FCGR2A: variants seen among roughly 807,000 people sequenced by gnomAD.
FCGR2A encodes the protein low affinity immunoglobulin gamma Fc region receptor II-a.
Under a neutral mutation model 29.3 loss-of-function variants are expected in FCGR2A, and 18 were observed. The observed-to-expected ratio is 0.62, with a 90% confidence interval of 0.43 to 0.91. The LOEUF (loss-of-function observed/expected upper bound fraction) is 0.91. Ranked by LOEUF, FCGR2A falls within the 40% of genes least tolerant of loss-of-function variation. The pLI is 0.00. For synonymous variants in FCGR2A, 126 were observed against 144.8 expected, an observed-to-expected ratio of 0.87 and a Z score of 0.93; for missense variants, 287 against 393.0, an observed-to-expected ratio of 0.73 and a Z score of 2.28.
At chr1:161,506,099 TC>T in intron 2 of FCGR2A, 92 bp downstream of exon 2, 1 of 1,394,512 alleles carries the variant, frequency 7.2e-7, no homozygotes, top group Non-Finnish European at 1.0e-6. Context: ...GTATGTCTAT[TC>T]CACTGAAAAT....
At chr1:161,508,162 A>G (rs985127053) in intron 3 of FCGR2A, among the ~76,000 whole-genome samples, 5 of 151,228 alleles carry the variant, frequency 3.3e-5, no homozygotes, top group African/African-American at 9.7e-5. Flanking sequence ...CCACCTATCC[A>G]TTGTACAAAG....
chr1:161,507,276 G>A (rs7539468), intron 3 of FCGR2A, among the ~76,000 whole-genome samples: 15,049 of 151,942 alleles, frequency 0.099, 920 homozygotes, highest in Middle Eastern at 0.15. Context: ...ACACCACCAT[G>A]CCAAGTGACT....
At chr1:161,522,260 G>C (rs1329131406), downstream of FCGR2A, among the ~76,000 whole-genome samples, 2 of 152,026 alleles carry the variant, frequency 1.3e-5, no homozygotes, top group African/African-American at 4.8e-5. Flanking sequence ...GGCTCTTTTA[G>C]AAAAAACAAA....
intron 3 of FCGR2A, among the ~76,000 whole-genome samples, chr1:161,507,528 GGTAAACATTCAGT>G (rs1235611941): frequency 1.3e-5 from 2 of 152,240 alleles, no homozygotes; most frequent in Non-Finnish European, 2.9e-5. Flanking sequence ...GATGGTCACA[GGTAAACATTCAGT>G]GTTTTAGATT....
At chr1:161,506,199 G>A in intron 2 of FCGR2A, 135 bp from the exon 3 acceptor site, 1 of 1,337,688 alleles carries the variant, frequency 7.5e-7, no homozygotes, top group East Asian at 2.3e-5. Context: ...AGGGAATGAG[G>A]CCGCTGCAAG....
chr1:161,506,010 G>T lies in FCGR2A; in HGVS notation c.106+3G>T. The T allele has an allele frequency of 1.2e-6, 2 of 1,613,806 alleles. No individual in the cohort carries two copies. Among genetic ancestry groups the T allele is most frequent in the South Asian group, 1.1e-5 (1 of 91,072 alleles). ...AGCTTCTGCAGACAGTCAAGCTGGT[G>T]AGTATGCCCTTTGCTTCCTTGTATT... On this transcript the variant is annotated splice_donor_region_variant and intron_variant, in intron 2 of 6. Transcript: ENST00000271450.
intron 5 of FCGR2A, among the ~76,000 whole-genome samples, chr1:161,511,397 T>C (rs1675765575): frequency 6.6e-6 from 1 of 152,166 alleles, no homozygotes; most frequent in African/African-American, 2.4e-5. Flanking sequence ...CAAAGCACTT[T>C]GCAATTGGTT....
Position 161,511,036 on chromosome 1 carries a change from G to C in FCGR2A, c.742+80G>C, listed in dbSNP as rs189803375. On this transcript the variant is annotated intron_variant, in intron 5 of 6. Coordinates refer to ENST00000271450, the MANE Select transcript of FCGR2A (RefSeq NM_001136219.3). ...TAACCCCAGACATTGCCAGAATCCC[G>C]CTCTTAGGGCTAGATATGCATTCCG... 1.7e-5 allele frequency: 28 copies of C among 1,600,056 alleles called. No homozygotes were observed. In the African/African-American group the frequency reaches 2.9e-4, roughly 17 times the overall value.
rs142132951 is a variant in FCGR2A, at chr1:161,510,449, C to T, written c.619+375C>T. On this transcript the variant is annotated intron_variant, in intron 4 of 6. Coordinates refer to ENST00000271450, the MANE Select transcript of FCGR2A (RefSeq NM_001136219.3). Reference sequence around the variant, plus strand: ...GTTATAGCCATTCACTCCAGAAAGCCTGGCACGTCATGGACTGTTCAAGGC... The same window carrying T: ...GTTATAGCCATTCACTCCAGAAAGCTTGGCACGTCATGGACTGTTCAAGGC... 9.0e-5 allele frequency: 43 copies of T among 476,564 alleles called. 2 individuals are homozygous for T. The highest frequency in any genetic ancestry group is 5.9e-4 in the African/African-American group (30 of 51,242). The allele number at this position is 476,564 out of a possible 1,614,324, so 29.5% of individuals were successfully genotyped here.
chr1:161,516,150 G>A (rs1676133433), intron 6 of FCGR2A, among the ~76,000 whole-genome samples: 1 of 152,030 alleles, frequency 6.6e-6, no homozygotes. Context: ...TGAGATGACA[G>A]GTAGTTGGTT....
intron 3 of FCGR2A, among the ~76,000 whole-genome samples, chr1:161,508,852 C>A (rs1375016853): frequency 6.6e-6 from 1 of 152,138 alleles, no homozygotes; most frequent in African/African-American, 2.4e-5. Flanking sequence ...TAAAATTTTT[C>A]TTGAATGCCC....
At chr1:161,510,703 C>T in intron 4 of FCGR2A, 131 bp from the exon 5 acceptor site, 1 of 1,225,944 alleles carries the variant, frequency 8.2e-7, no homozygotes, top group South Asian at 1.4e-5. Context: ...GTGAGTGACT[C>T]AGACACAGAA....
In FCGR2A at chr1:161,506,566, C is replaced by T. The variant is rs2102457670; in HGVS notation, c.339C>T (p.Asp113=). 1 of 1,614,148 alleles carries T rather than the reference C, an allele frequency of 6.2e-7. No homozygotes were observed. The highest frequency in any genetic ancestry group is 8.5e-7 in the Non-Finnish European group (1 of 1,179,992). The change falls in exon 3 of 7, where the codon GAC becomes GAT. Residue 113 remains aspartate, a synonymous_variant. Transcript: ENST00000271450. ...AGACTGGCCAGACCAGCCTCAGCGA[C>T]CCTGTGCATCTGACTGTGCTTTCCG... ...TCQTGQTSLS[D]PVHLTVLSEW... is the part of the protein sequence containing the mutation.
In FCGR2A at chr1:161,509,964, C is replaced by T. The variant is rs748710561; in HGVS notation, c.509C>T (p.Pro170Leu). The change falls in exon 4 of 7, where the codon CCC becomes CTC. Residue 170 changes from proline to leucine, a missense_variant. Pro to Leu is a moderately conservative substitution (Grantham distance 98, BLOSUM62 -3). This residue lies in a region of FCGR2A where 181 missense variants were observed against 250.9 expected (regional missense o/e 0.72). Transcript: ENST00000271450. ...GKSQKFSHLD[P>L]TFSIPQANHS... Reference sequence around the variant, plus strand: ...TCCCAGAAATTCTCCCATTTGGATCCCACCTTCTCCATCCCACAAGCAAAC... The same window carrying T: ...TCCCAGAAATTCTCCCATTTGGATCTCACCTTCTCCATCCCACAAGCAAAC... 5.0e-6 allele frequency: 8 copies of T among 1,613,846 alleles called. No homozygotes were observed. In the South Asian group the frequency reaches 7.7e-5, roughly 16 times the overall value.
rs372080109 is a variant in FCGR2A, at chr1:161,518,199, C to T, written c.*51C>T. 5 of 1,577,540 alleles carry T rather than the reference C, an allele frequency of 3.2e-6. No individual in the cohort carries two copies. Among genetic ancestry groups the T allele is most frequent in the Non-Finnish European group, 4.3e-6 (5 of 1,164,292 alleles). ...TACTCTCAGCTTGCTGAGTGGATGA[C>T]AAAAAGAGGGGAATTGTTAAAGGAA... On this transcript the variant is annotated 3_prime_UTR_variant, in exon 7 of 7. Coordinates refer to ENST00000271450, the MANE Select transcript of FCGR2A (RefSeq NM_001136219.3).
rs889101392 is a variant in FCGR2A at position 161,519,623 on chromosome 1, G to C, written c.*1475G>C. ...GATTGGGGTGTAGACTGAACTATCCGGGGTCTGTTTCTTTTCGGTGATGAA... is the reference window on the plus strand; with the variant it reads ...GATTGGGGTGTAGACTGAACTATCCCGGGTCTGTTTCTTTTCGGTGATGAA... On this transcript the variant is annotated 3_prime_UTR_variant, in exon 7 of 7. Coordinates refer to ENST00000271450, the MANE Select transcript of FCGR2A (RefSeq NM_001136219.3). 1 of 151,966 alleles carries C rather than the reference G, an allele frequency of 6.6e-6. No individual in the cohort carries two copies. Among genetic ancestry groups the C allele is most frequent in the South Asian group, 2.1e-4 (1 of 4,804 alleles). 9.4% of individuals were successfully genotyped at this position (151,966 alleles called of 1,614,324 possible). A position where few individuals can be genotyped will look rare whatever the true frequency, so the allele number is the denominator to read the frequency against.
chr1:161,506,032 T>C (rs1398003417), intron 2 of FCGR2A, 25 bp downstream of exon 2: 1 of 1,610,494 alleles, frequency 6.2e-7, no homozygotes, highest in Non-Finnish European at 8.5e-7. Context: ...TGCTTCCTTG[T>C]ATTGACAGTG....
Position 161,508,444 on chromosome 1 carries a change from C to T in FCGR2A, c.365-1376C>T, listed in dbSNP as rs138288261. On this transcript the variant is annotated intron_variant, in intron 3 of 6. Coordinates refer to ENST00000271450, the MANE Select transcript of FCGR2A (RefSeq NM_001136219.3). ...TCTCTACTAAAAATACAAAATTAGC[C>T]GGGCGTGATGGCGCATGCCTGTAAT... 8.8e-3 allele frequency among the ~76,000 whole-genome samples: 1,329 copies of T among 151,844 alleles called. 9 individuals carry two copies. The highest frequency in any genetic ancestry group is 0.029 in the African/African-American group (1,221 of 41,390).
chr1:161,510,172 CA>C lies in FCGR2A; in HGVS notation c.619+99del, dbSNP rs557989931. ...CATGGAGGTCTGAGAAAGCCCATAG[CA>C]GCAAAATTGGGCACTGGAGCAAAGA... On this transcript the variant is annotated intron_variant, in intron 4 of 6. Transcript: ENST00000271450. 6.2e-4 allele frequency: 959 copies of C among 1,558,862 alleles called. 3 individuals are homozygous for C. The highest frequency in any genetic ancestry group is 2.1e-3 in the African/African-American group (152 of 73,452).
Sources: allele counts gnomAD v4.1 joint callset (sites outside exome capture counted in the v4.1 genomes callset), GRCh38; gene constraint gnomAD v4.1.1; regional missense constraint gnomAD v4.1.1; transcripts MANE v1.5; gene names NCBI Gene and HGNC (gene_info 2026-07-23, HGNC 2026-07-21).